TMEM131L: variants seen among roughly 807,000 people sequenced by gnomAD.
The protein encoded by TMEM131L is transmembrane 131 like.
Under a neutral mutation model 192.2 loss-of-function variants are expected in TMEM131L, and 54 were observed. That is an observed-to-expected ratio of 0.28 (90% CI 0.23 to 0.35). The LOEUF (loss-of-function observed/expected upper bound fraction) is 0.35, where lower values mean the gene tolerates loss of function less well. TMEM131L is among the 10% of genes least tolerant of loss of function. TMEM131L has a pLI of 1.00. For missense variants in TMEM131L, 1,888 were observed against 1,972.9 expected (o/e 0.96, Z 0.82); for synonymous variants, 701 against 704.9 (o/e 0.99, Z 0.09).
chr4:153,609,808 C>T (rs549933724), intron 25 of TMEM131L, among the ~76,000 whole-genome samples: 1 of 152,232 alleles, frequency 6.6e-6, no homozygotes, highest in East Asian at 1.9e-4. Flanking sequence ...AGAGTAATGG[C>T]ACCTATTTTT....
chr4:153,481,114 C>A (rs1005631717), intron 3 of TMEM131L, among the ~76,000 whole-genome samples: 2 of 152,174 alleles, frequency 1.3e-5, no homozygotes, highest in Non-Finnish European at 2.9e-5. Flanking sequence ...CCTCTTCCTC[C>A]AGTCTCACTT....
At chr4:153,620,690 A>G in intron 26 of TMEM131L, 66 bp from the exon 27 acceptor site, 2 of 1,092,216 alleles carry the variant, frequency 1.8e-6, no homozygotes, top group Non-Finnish European at 2.6e-6. Flanking sequence ...TTGGTCTTCA[A>G]ACATTTAAAC....
At chr4:153,550,909 T>C (rs971613101) in intron 4 of TMEM131L, among the ~76,000 whole-genome samples, 1 of 152,146 alleles carries the variant, frequency 6.6e-6, no homozygotes, top group African/African-American at 2.4e-5. Context: ...TACAGTATCA[T>C]GTAAAGAACC....
intron 3 of TMEM131L, among the ~76,000 whole-genome samples, chr4:153,489,729 G>A (rs560720181): frequency 6.6e-6 from 1 of 152,034 alleles, no homozygotes; most frequent in South Asian, 2.1e-4. Context: ...ACCCACCTTG[G>A]CCTCCCAAAG....
chr4:153,604,478 C>T, intron 25 of TMEM131L, 48 bp downstream of exon 25: 1 of 1,519,202 alleles, frequency 6.6e-7, no homozygotes, highest in Non-Finnish European at 8.9e-7. Flanking sequence ...TGTACCCAGT[C>T]TGTTTTTAAT....
intron 7 of TMEM131L, among the ~76,000 whole-genome samples, chr4:153,569,154 G>A (rs1434336305): frequency 6.6e-6 from 1 of 152,208 alleles, no homozygotes; most frequent in Non-Finnish European, 1.5e-5. Context: ...GGACAGTAGT[G>A]TTTAGGGAAA....
intron 3 of TMEM131L, among the ~76,000 whole-genome samples, chr4:153,540,805 A>G (rs1736718706): frequency 6.6e-6 from 1 of 152,208 alleles, no homozygotes; most frequent in Non-Finnish European, 1.5e-5. Flanking sequence ...AATAACATGC[A>G]CGGTAATGCA....
chr4:153,617,526 TG>T (rs1309533830), intron 26 of TMEM131L, among the ~76,000 whole-genome samples: 5 of 152,232 alleles, frequency 3.3e-5, no homozygotes, highest in Non-Finnish European at 7.3e-5. Context: ...TGAGCAGTTG[TG>T]TTTTGGTTTT....
intron 20 of TMEM131L, 150 bp from the exon 21 acceptor site, chr4:153,598,440 A>T (rs1356766012): frequency 1.5e-6 from 1 of 683,230 alleles, no homozygotes; most frequent in Non-Finnish European, 2.4e-6. Flanking sequence ...GAGATGGAAG[A>T]AGATACCACA....
intron 15 of TMEM131L, 101 bp from the exon 16 acceptor site, chr4:153,588,789 T>G (rs1425709216): frequency 1.5e-6 from 1 of 666,580 alleles, no homozygotes; most frequent in Non-Finnish European, 2.7e-6. Context: ...AACTCTACAG[T>G]CCTCTCAGTT....
Position 153,604,224 on chromosome 4 carries a change from C to T in TMEM131L, c.3212C>T (p.Ser1071Phe). The change falls in exon 25 of 35, where the codon TCT (serine) becomes TTT (phenylalanine). Residue 1071 changes from serine to phenylalanine, a missense_variant. By Grantham distance (155) the Ser-to-Phe change is radical. Transcript: ENST00000409959. ...AACACAATTGTTTTCAGTAATCCTTCTTCAGAATGTAGTATGAAGGAGGGA... is the reference window on the plus strand; with the variant it reads ...AACACAATTGTTTTCAGTAATCCTTTTTCAGAATGTAGTATGAAGGAGGGA... ...LKNTIVFSNP[S>F]SECSMKEGIQ... 6.2e-7 allele frequency: 1 copy of T among 1,614,104 alleles called. No homozygotes were observed. Among genetic ancestry groups the T allele is most frequent in the Non-Finnish European group, 8.5e-7 (1 of 1,179,996 alleles).
intron 3 of TMEM131L, among the ~76,000 whole-genome samples, chr4:153,502,144 G>A (rs777445828): frequency 5.9e-5 from 9 of 151,734 alleles, no homozygotes; most frequent in Admixed American, 3.9e-4. Flanking sequence ...AGTTTTCACC[G>A]TGCTTCCCGG....
intron 3 of TMEM131L, among the ~76,000 whole-genome samples, chr4:153,502,970 CA>C: frequency 9.3e-6 from 1 of 106,990 alleles, no homozygotes; most frequent in Admixed American, 9.7e-5. Flanking sequence ...TTTGCAGGGT[CA>C]TCTTTTTTTT....
rs143221640 is a variant in TMEM131L at position 153,581,407 on chromosome 4, G to C, written c.739G>C (p.Gly247Arg). ...LHNKVCQQLK[G>R]CYLESDDVLR... ...TTTTTCCTCCTCCTTCCAACCATAG[G>C]GTTGTTATCTGGAATCTGATGATGT... is the stretch of plus-strand genomic sequence containing the variant. The change falls in exon 9 of 35, where the codon GGT becomes CGT. Residue 247 changes from glycine to arginine, a missense_variant and splice_region_variant. By Grantham distance (125) the Gly-to-Arg change is moderately radical. Coordinates refer to ENST00000409959, the MANE Select transcript of TMEM131L (RefSeq NM_001131007.2). 3.9e-6 allele frequency: 6 copies of C among 1,547,066 alleles called. No homozygotes were observed. In the African/African-American group the frequency reaches 8.3e-5, roughly 21 times the overall value.
intron 3 of TMEM131L, among the ~76,000 whole-genome samples, chr4:153,547,551 C>A (rs966376972): frequency 8.5e-5 from 13 of 152,216 alleles, no homozygotes; most frequent in South Asian, 4.1e-4. Flanking sequence ...ATCATTTTAT[C>A]TCATCCTATT....
Position 153,466,426 on chromosome 4 carries a change from GC to G in TMEM131L, c.30del (p.Cys11AlafsTer9). The G allele has an allele frequency of 7.2e-7, 1 of 1,390,352 alleles. No individual in the cohort carries two copies. Among genetic ancestry groups the G allele is most frequent in the Non-Finnish European group, 9.4e-7 (1 of 1,064,546 alleles). 86.1% of individuals were successfully genotyped at this position (1,390,352 alleles called of 1,614,324 possible). ...GCGGGGCTCCGACGCCCGCAGCCCG[GC>G]TGCTACTGCCGCACCGCGGCGGCCG... MAGLRRPQPGCYCRTAAAVN... is the reference protein window; with the variant it reads MAGLRRPQPXCYCRTAAAVN... On this transcript the variant is annotated frameshift_variant, in exon 1 of 35. Coordinates refer to ENST00000409959, the MANE Select transcript of TMEM131L (RefSeq NM_001131007.2). LOFTEE classifies it high-confidence loss of function.
At position 153,584,823 on chromosome 4, in the gene TMEM131L, T is replaced by C; in HGVS notation, c.1061-12T>C. The C allele has an allele frequency of 6.2e-7, 1 of 1,602,360 alleles. No homozygotes were observed. The highest frequency in any genetic ancestry group is 1.1e-5 in the South Asian group (1 of 90,782). On this transcript the variant is annotated splice_polypyrimidine_tract_variant and intron_variant, in intron 11 of 34. Transcript: ENST00000409959. ...TACTTAAGCTTCACATTTATTTCTTTATACCACAAAGCAGCTACATCATGT... is the reference window on the plus strand; with the variant it reads ...TACTTAAGCTTCACATTTATTTCTTCATACCACAAAGCAGCTACATCATGT...
In TMEM131L at chr4:153,587,826, C is replaced by G. The variant is rs748984047; in HGVS notation, c.1552+15C>G. On this transcript the variant is annotated intron_variant, in intron 15 of 34. Coordinates refer to ENST00000409959, the MANE Select transcript of TMEM131L (RefSeq NM_001131007.2). ...ATCAAAAGCAGGTAAGTATTTTGCC[C>G]TTAGGCTTTCTGTAGATCTCTAGTT... is the stretch of plus-strand genomic sequence containing the variant. The G allele has an allele frequency of 6.3e-7, 1 of 1,585,274 alleles. No homozygotes were observed. The highest frequency in any genetic ancestry group is 1.7e-4 in the Middle Eastern group (1 of 6,010).
chr4:153,555,969 T>G lies in TMEM131L; in HGVS notation c.432+59T>G. ...TGGCAGGCAGCCAGGTTTTCTTGCT[T>G]TCTTTGGCCTGAAGTTTTTACTTTC... On this transcript the variant is annotated intron_variant, in intron 5 of 34. Transcript: ENST00000409959. The surrounding 1 kb of genome is among the most constrained non-coding windows in gnomAD (Gnocchi z 4.1). The G allele has an allele frequency of 6.5e-7, 1 of 1,530,888 alleles. No homozygotes were observed. The highest frequency in any genetic ancestry group is 1.4e-5 in the African/African-American group (1 of 72,422). 94.8% of individuals were successfully genotyped at this position (1,530,888 alleles called of 1,614,324 possible).
Sources: allele counts gnomAD v4.1 joint callset (sites outside exome capture counted in the v4.1 genomes callset), GRCh38; gene constraint gnomAD v4.1.1; non-coding constraint Gnocchi (gnomAD v3.1); transcripts MANE v1.5; gene names NCBI Gene and HGNC (gene_info 2026-07-23, HGNC 2026-07-21).